Variants in MTMR3 observed in about 807,000 individuals in gnomAD.
MTMR3 encodes the protein phosphatidylinositol-3,5-bisphosphate 3-phosphatase MTMR3.
Under a neutral mutation model 132.4 loss-of-function variants are expected in MTMR3, and 32 were observed. The ratio of observed to expected loss-of-function variants is 0.24; its 90% CI spans 0.18 to 0.32. The LOEUF is 0.32. Ranked by LOEUF, MTMR3 falls within the 10% of genes least tolerant of loss-of-function variation. The pLI is 1.00. For synonymous variants in MTMR3, 556 were observed against 550.3 expected, an observed-to-expected ratio of 1.01 and a Z score of -0.14; for missense variants, 1,216 against 1,489.6, an observed-to-expected ratio of 0.82 and a Z score of 3.02.
At chr22:29,996,891 A>G (rs1172343812) in intron 7 of MTMR3, 1 of 151,856 alleles carries the variant, frequency 6.6e-6, no homozygotes, top group Non-Finnish European at 1.5e-5. Flanking sequence ...CCACAACTTA[A>G]TTTTTGCATT....
intron 3 of MTMR3, 63 bp downstream of exon 3, chr22:29,971,125 G>A: frequency 6.6e-7 from 1 of 1,506,550 alleles, no homozygotes; most frequent in Non-Finnish European, 9.0e-7. Flanking sequence ...ACAATTAAGT[G>A]AACACTAATA....
At chr22:29,968,850 A>G (rs764345506) in intron 2 of MTMR3, among the ~76,000 whole-genome samples, 9 of 152,230 alleles carry the variant, frequency 5.9e-5, no homozygotes, top group Non-Finnish European at 1.0e-4. Context: ...CCAAATCACA[A>G]AAGTTTGGCT....
chr22:29,948,131 T>C (rs2077036677), intron 1 of MTMR3, among the ~76,000 whole-genome samples: 1 of 152,252 alleles, frequency 6.6e-6, no homozygotes, highest in African/African-American at 2.4e-5. Flanking sequence ...ATTTGAATTT[T>C]GTCTGTCTTT....
chr22:29,918,563 T>G (rs1017394260), intron 1 of MTMR3, among the ~76,000 whole-genome samples: 1 of 152,180 alleles, frequency 6.6e-6, no homozygotes, highest in African/African-American at 2.4e-5. Context: ...GGTTATAGGC[T>G]CTGTAGATGT....
At chr22:29,921,999 G>A (rs572658492) in intron 1 of MTMR3, among the ~76,000 whole-genome samples, 26 of 151,490 alleles carry the variant, frequency 1.7e-4, no homozygotes, top group African/African-American at 5.8e-4. Flanking sequence ...ACAAGTATGC[G>A]GCACCACACC....
Position 30,016,578 on chromosome 22 carries a change from C to T in MTMR3, c.1554C>T (p.Cys518=). ...CCTGCCTGTTTGGAACATTCCTGTG[C>T]AACAACGCCAAGGAGAGAGGGGAAA... ...TYSCLFGTFL[C]NNAKERGEKH... is the part of the protein sequence containing the mutation. Residue 518 remains cysteine, a synonymous_variant, in exon 15 of 20, where the codon TGC becomes TGT. Transcript: ENST00000401950. The T allele has an allele frequency of 1.2e-6, 2 of 1,614,128 alleles. No individual in the cohort carries two copies. Among genetic ancestry groups the T allele is most frequent in the Non-Finnish European group, 1.7e-6 (2 of 1,180,012 alleles).
chr22:29,916,308 G>A (rs914636317), intron 1 of MTMR3, among the ~76,000 whole-genome samples: 55 of 152,168 alleles, frequency 3.6e-4, no homozygotes, highest in African/African-American at 1.3e-3. Context: ...TTACCCAGTG[G>A]TTGTTCTTTG....
chr22:29,922,439 T>C (rs1364572903), intron 1 of MTMR3, among the ~76,000 whole-genome samples: 1 of 152,240 alleles, frequency 6.6e-6, no homozygotes, highest in Non-Finnish European at 1.5e-5. Flanking sequence ...TTGTGAATAA[T>C]TCTCCTATGA....
In MTMR3 at chr22:30,020,852, C is replaced by G. The variant is rs1276510005; in HGVS notation, c.3193C>G (p.Leu1065Val). ...GGAGAGCCAGTACCTGACCAGCTCC[C>G]TACACTTTAATGGAGACTTTGGGGA... ...RLESQYLTSS[L>V]HFNGDFGDEV... Residue 1065 changes from leucine (L) to valine (V), a missense_variant, in exon 17 of 20, where the codon CTA becomes GTA. By Grantham distance (32) the Leu-to-Val change is conservative (BLOSUM62 1). Around this residue, in one of 7 missense-constraint regions of MTMR3, gnomAD observed 852 missense variants for 852.0 expected, o/e 1.00. Transcript: ENST00000401950. 6.2e-7 allele frequency: 1 copy of G among 1,602,276 alleles called. No individual in the cohort carries two copies. The highest frequency in any genetic ancestry group is 1.3e-5 in the African/African-American group (1 of 74,826).
chr22:30,021,886 T>G, intron 17 of MTMR3, 143 bp from the exon 18 acceptor site: 1 of 651,484 alleles, frequency 1.5e-6, no homozygotes, highest in East Asian at 2.7e-5. Flanking sequence ...CCCCAGTTCT[T>G]GATGGCTGAT....
intron 1 of MTMR3, among the ~76,000 whole-genome samples, chr22:29,950,928 G>A (rs2066066051): frequency 7.1e-6 from 1 of 141,552 alleles, no homozygotes; most frequent in Non-Finnish European, 1.7e-5. Flanking sequence ...CGAGGCAGGT[G>A]GATCACGAGG....
chr22:29,904,955 C>T (rs891229738), intron 1 of MTMR3, among the ~76,000 whole-genome samples: 1 of 152,124 alleles, frequency 6.6e-6, no homozygotes, highest in African/African-American at 2.4e-5. Context: ...ACTTTTTAAT[C>T]ACCATCACAG....
At chr22:29,983,004 C>G (rs1314563657) in intron 5 of MTMR3, 1 of 151,014 alleles carries the variant, frequency 6.6e-6, no homozygotes, top group Admixed American at 6.6e-5. Flanking sequence ...TAGACTGCTT[C>G]TCAATCTGCT....
chr22:30,022,712 C>A lies in MTMR3; in HGVS notation c.3425+15C>A. 1 of 1,600,236 alleles carries A rather than the reference C, an allele frequency of 6.2e-7. No individual in the cohort carries two copies. The highest frequency in any genetic ancestry group is 8.5e-7 in the Non-Finnish European group (1 of 1,176,510). ...CACCACTGCAGGTACCATTGAGGGG[C>A]TGTGGTAGGGTGGGCTGTGTGTGGA... On this transcript the variant is annotated intron_variant, in intron 19 of 19. Transcript: ENST00000401950.
chr22:29,927,955 T>TTTA, intron 1 of MTMR3, among the ~76,000 whole-genome samples: 1 of 148,576 alleles, frequency 6.7e-6, no homozygotes, highest in Non-Finnish European at 1.5e-5. Context: ...TTTTTTTTTT[T>TTTA]TTTGAGACGA....
rs920140724 is a variant in MTMR3, at chr22:29,932,833, G to C, written c.-137-24203G>C. ...GAACTCTCAATGTTCTTCACCAATT[G>C]TTTACATTTTGTTTCATGTGCTTTA... On this transcript the variant is annotated intron_variant, in intron 1 of 19. Coordinates refer to ENST00000401950, the MANE Select transcript of MTMR3 (RefSeq NM_021090.4). Among the ~76,000 whole-genome samples the C allele has an allele frequency of 3.3e-5, 5 of 151,874 alleles. No homozygotes were observed. The South Asian group carries it at 6.2e-4, about 19-fold the overall frequency.
intron 1 of MTMR3, among the ~76,000 whole-genome samples, chr22:29,914,439 G>T (rs949047797): frequency 6.6e-6 from 1 of 152,098 alleles, no homozygotes; most frequent in Non-Finnish European, 1.5e-5. Context: ...ATTAAAATAG[G>T]TTGTTTTTTG....
intron 4 of MTMR3, 67 bp downstream of exon 4, chr22:29,978,598 A>G: frequency 7.3e-6 from 9 of 1,239,666 alleles, no homozygotes; most frequent in Non-Finnish European, 1.1e-5. Context: ...GAGTTAATGG[A>G]TTTAAGTGTA....
intron 1 of MTMR3, among the ~76,000 whole-genome samples, chr22:29,889,761 A>C (rs1351406767): frequency 6.6e-6 from 1 of 152,160 alleles, no homozygotes; most frequent in Non-Finnish European, 1.5e-5. Context: ...AGTGTTTATA[A>C]TATGGATGCA....
Sources: allele counts gnomAD v4.1 joint callset (sites outside exome capture counted in the v4.1 genomes callset), GRCh38; gene constraint gnomAD v4.1.1; regional missense constraint gnomAD v4.1.1; transcripts MANE v1.5; gene names NCBI Gene and HGNC (gene_info 2026-07-23, HGNC 2026-07-21).